DCAF8: variants seen among roughly 807,000 people sequenced by gnomAD.
DCAF8 encodes DDB1- and CUL4-associated factor 8.
Under a neutral mutation model 68.0 loss-of-function variants are expected in DCAF8, and 20 were observed. That is an observed-to-expected ratio of 0.29 (90% CI 0.21 to 0.43). The LOEUF is 0.43. Ranked by LOEUF, DCAF8 falls within the 20% of genes least tolerant of loss-of-function variation. DCAF8 has a pLI of 1.00. For synonymous variants in DCAF8, 230 were observed against 276.9 expected, an observed-to-expected ratio of 0.83 and a Z score of 1.68; for missense variants, 460 against 771.0, an observed-to-expected ratio of 0.60 and a Z score of 4.78.
intron 2 of DCAF8, among the ~76,000 whole-genome samples, chr1:160,247,891 A>G (rs1656404937): frequency 6.6e-6 from 1 of 152,174 alleles, no homozygotes; most frequent in African/African-American, 2.4e-5. Context: ...TTAAAACAAC[A>G]CAAGTTCCAG....
At chr1:160,218,733 G>T in intron 12 of DCAF8, 116 bp downstream of exon 12, 1 of 1,452,044 alleles carries the variant, frequency 6.9e-7, no homozygotes, top group Non-Finnish European at 9.5e-7. Flanking sequence ...GTGGGGGAGG[G>T]TGTTAGAGCA....
intron 6 of DCAF8, among the ~76,000 whole-genome samples, chr1:160,234,815 GA>G (rs57064431): frequency 0.07 from 10,612 of 152,184 alleles, 1,271 homozygotes; most frequent in African/African-American, 0.24. Flanking sequence ...GCTAGTACTA[GA>G]AGGCAGAACC....
At position 160,228,610 on chromosome 1, in the gene DCAF8, C is replaced by CT. The variant is rs59684865; in HGVS notation, c.1070+2686dup. ...TCACACCTATACCTCCTCTACTTAC[C>CT]TTTTTTTTTTTTTTGGCCACAGGCC... On this transcript the variant is annotated intron_variant, in intron 7 of 13. Coordinates refer to ENST00000368074, the MANE Select transcript of DCAF8 (RefSeq NM_015726.4). Among the ~76,000 whole-genome samples, 442 of 141,014 alleles carry CT rather than the reference C, an allele frequency of 3.1e-3. 9 individuals carry two copies. The highest frequency in any genetic ancestry group is 4.4e-3 in the African/African-American group (170 of 38,416). 92.5% of individuals were successfully genotyped at this position (141,014 alleles called of 152,430 possible). A position where few individuals can be genotyped will look rare whatever the true frequency, so the allele number is the denominator to read the frequency against.
At chr1:160,236,150 T>G (rs1337181433) in intron 6 of DCAF8, among the ~76,000 whole-genome samples, 1 of 152,122 alleles carries the variant, frequency 6.6e-6, no homozygotes, top group Non-Finnish European at 1.5e-5. Flanking sequence ...AAGTATTTGT[T>G]TATTGTAAGA....
At chr1:160,242,903 C>T (rs1021584584) in intron 3 of DCAF8, among the ~76,000 whole-genome samples, 1 of 152,220 alleles carries the variant, frequency 6.6e-6, no homozygotes, top group Non-Finnish European at 1.5e-5. Context: ...TCCTCTAGAA[C>T]CCTGTGCCTT....
At chr1:160,246,960 AAAAAAAT>A (rs1557839528) in intron 2 of DCAF8, among the ~76,000 whole-genome samples, 3 of 152,174 alleles carry the variant, frequency 2.0e-5, no homozygotes, top group African/African-American at 4.8e-5. Flanking sequence ...CACAGTCTCC[AAAAAAAT>A]AAAAAATAAA....
intron 7 of DCAF8, among the ~76,000 whole-genome samples, chr1:160,231,001 C>T (rs1024325757): frequency 3.9e-5 from 6 of 152,004 alleles, no homozygotes; most frequent in African/African-American, 1.5e-4. Context: ...GTGATCCACC[C>T]GCCTCACCTC....
chr1:160,236,397 CATGTGTAT>C (rs1370994403), intron 6 of DCAF8, among the ~76,000 whole-genome samples: 13 of 149,110 alleles, frequency 8.7e-5, no homozygotes, highest in Admixed American at 2.0e-4. Flanking sequence ...TATATGTGTA[CATGTGTAT>C]ATGTGTGTGT....
At chr1:160,223,266 C>T (rs960633698) in intron 10 of DCAF8, among the ~76,000 whole-genome samples, 5 of 152,160 alleles carry the variant, frequency 3.3e-5, no homozygotes, top group East Asian at 1.9e-4. Flanking sequence ...CTCCACTCTC[C>T]GGAATCAGTA....
intron 13 of DCAF8, 130 bp downstream of exon 13, chr1:160,218,194 G>A (rs959537328): frequency 4.1e-6 from 3 of 733,296 alleles, no homozygotes; most frequent in African/African-American, 3.5e-5. Context: ...GGATCTGATG[G>A]GGACAGAGGA....
chr1:160,243,449 G>A (rs117207110), intron 3 of DCAF8, among the ~76,000 whole-genome samples: 3,842 of 139,362 alleles, frequency 0.028, 64 homozygotes, highest in East Asian at 0.095. Context: ...TCGCTATGTT[G>A]CCCAGGCTGG....
intron 2 of DCAF8, among the ~76,000 whole-genome samples, chr1:160,250,315 T>A (rs145008092): frequency 0.016 from 2,406 of 151,632 alleles, 63 homozygotes; most frequent in African/African-American, 0.049. Context: ...AGTACAAAAA[T>A]ATTAGCCGGG....
chr1:160,243,423 T>A (rs1317506124), intron 3 of DCAF8, among the ~76,000 whole-genome samples: 2 of 150,992 alleles, frequency 1.3e-5, no homozygotes, highest in African/African-American at 2.4e-5. Context: ...TTTTTTTTTT[T>A]TAAAAAGACG....
At chr1:160,244,968 A>T in intron 2 of DCAF8, among the ~76,000 whole-genome samples, 1 of 152,192 alleles carries the variant, frequency 6.6e-6, no homozygotes, top group African/African-American at 2.4e-5. Flanking sequence ...TGAAACTAGA[A>T]ATCAGGAGCA....
intron 7 of DCAF8, among the ~76,000 whole-genome samples, chr1:160,228,866 G>A (rs1367647850): frequency 1.3e-5 from 2 of 152,148 alleles, no homozygotes; most frequent in African/African-American, 4.8e-5. Flanking sequence ...TCTTTCAAAG[G>A]AAGAATAAGA....
chr1:160,259,767 C>T (rs1052081856), intron 2 of DCAF8, among the ~76,000 whole-genome samples: 4 of 152,110 alleles, frequency 2.6e-5, no homozygotes, highest in South Asian at 2.1e-4. Context: ...AATTACAACA[C>T]GGCCAACTCT....
intron 2 of DCAF8, among the ~76,000 whole-genome samples, chr1:160,257,166 G>C (rs1656867117): frequency 6.6e-6 from 1 of 151,928 alleles, no homozygotes; most frequent in Admixed American, 6.6e-5. Context: ...AATATACAAA[G>C]TCACTACCCC....
At chr1:160,246,808 A>G (rs1266038306) in intron 2 of DCAF8, among the ~76,000 whole-genome samples, 1 of 152,158 alleles carries the variant, frequency 6.6e-6, no homozygotes. Flanking sequence ...TACAGAAAAG[A>G]AAAAAATCAG....
intron 8 of DCAF8, 144 bp downstream of exon 8, chr1:160,225,447 A>G: frequency 6.1e-6 from 4 of 658,362 alleles, no homozygotes; most frequent in Non-Finnish European, 1.1e-5. Context: ...CAAGATCACA[A>G]AGCTGGTAAG....
Sources: gnomAD v4.1 joint callset for allele counts (sites outside exome capture counted in the v4.1 genomes callset) on GRCh38, gnomAD v4.1.1 for gene constraint, MANE v1.5 for transcripts, NCBI Gene and HGNC (gene_info 2026-07-23, HGNC 2026-07-21) for gene names.